Variants in NME9 observed in about 807,000 individuals in gnomAD.
NME9 encodes thioredoxin domain-containing protein 6.
NME9 carries 48 observed loss-of-function variants against 44.4 expected under a neutral mutation model. That is an observed-to-expected ratio of 1.08 (90% CI 0.86 to 1.37). The LOEUF (loss-of-function observed/expected upper bound fraction) is 1.37, where lower values mean the gene tolerates loss of function less well. Among genes scored for constraint, NME9 ranks in the 40% most tolerant of loss-of-function variants. The pLI is 0.00. For synonymous variants in NME9, 139 were observed against 147.1 expected (o/e 0.94, Z 0.40); for missense variants, 325 against 405.2 (o/e 0.80, Z 1.70).
chr3:138,329,692 T>A lies in NME9; in HGVS notation c.-357A>T. On this transcript the variant is annotated 5_prime_UTR_variant, in exon 1 of 11. Coordinates refer to ENST00000333911, the MANE Select transcript of NME9 (RefSeq NM_001349018.2). ...AGCCTGTCGGGCACAGGGTCGCCAGTCGAGGAATTCTGACAAAAAAACGAC... is the reference window on the plus strand; with the variant it reads ...AGCCTGTCGGGCACAGGGTCGCCAGACGAGGAATTCTGACAAAAAAACGAC... 8.7e-7 allele frequency: 1 copy of A among 1,146,972 alleles called. No individual in the cohort carries two copies. Among genetic ancestry groups the A allele is most frequent in the Non-Finnish European group, 1.1e-6 (1 of 931,934 alleles). The allele number at this position is 1,146,972 out of a possible 1,614,324, so 71.0% of individuals were successfully genotyped here.
chr3:138,265,403 G>A (rs2048183535), intron 8 of NME9, among the ~76,000 whole-genome samples: 1 of 152,082 alleles, frequency 6.6e-6, no homozygotes, highest in Admixed American at 6.5e-5. Context: ...CATATACCTT[G>A]CATTTAGTCA....
chr3:138,295,490 A>G (rs572892629), intron 8 of NME9, among the ~76,000 whole-genome samples: 1 of 152,210 alleles, frequency 6.6e-6, no homozygotes, highest in East Asian at 1.9e-4. Context: ...CTCACTGCAT[A>G]AAACCTACAT....
chr3:138,263,665 A>T, intron 8 of NME9: 1 of 1,242,012 alleles, frequency 8.1e-7, no homozygotes, highest in South Asian at 1.2e-5. Flanking sequence ...GGATGTTAAC[A>T]TACTTGCATT....
intron 8 of NME9, among the ~76,000 whole-genome samples, chr3:138,268,342 GATGGA>G (rs1334037067): frequency 6.6e-6 from 1 of 152,198 alleles, no homozygotes. Context: ...TAGTTACCCT[GATGGA>G]AGAGAAAGGC....
At chr3:138,264,059 A>G in intron 8 of NME9, 2 of 1,404,128 alleles carry the variant, frequency 1.4e-6, no homozygotes. Context: ...GTCATTGTAA[A>G]ATGCCAGCCA....
At chr3:138,275,292 T>A (rs1459315556) in intron 8 of NME9, among the ~76,000 whole-genome samples, 1 of 152,242 alleles carries the variant, frequency 6.6e-6, no homozygotes, top group Non-Finnish European at 1.5e-5. Flanking sequence ...GTACAGTGGC[T>A]CATGCCTGTA....
intron 8 of NME9, among the ~76,000 whole-genome samples, chr3:138,294,611 C>T (rs2051293828): frequency 6.6e-6 from 1 of 152,178 alleles, no homozygotes; most frequent in Non-Finnish European, 1.5e-5. Flanking sequence ...CACTTGAATC[C>T]AGCTTATTGT....
chr3:138,323,289 G>T (rs2053580411), intron 2 of NME9, among the ~76,000 whole-genome samples: 1 of 152,206 alleles, frequency 6.6e-6, no homozygotes, highest in Admixed American at 6.5e-5. Context: ...GATAGAATGT[G>T]CCTGTAATCC....
intron 8 of NME9, among the ~76,000 whole-genome samples, chr3:138,271,837 C>G (rs1342205479): frequency 1.4e-5 from 2 of 146,728 alleles, no homozygotes; most frequent in Non-Finnish European, 3.0e-5. Flanking sequence ...GCTTAGTTGC[C>G]CAGGCTGGAG....
chr3:138,317,547 A>G lies in NME9; in HGVS notation c.267+601T>C, dbSNP rs115673129. Among the ~76,000 whole-genome samples the G allele has an allele frequency of 7.6e-3, 1,159 of 152,264 alleles. 6 individuals are homozygous for G. Among genetic ancestry groups the G allele is most frequent in the Middle Eastern group, 0.017 (5 of 294 alleles). ...TCACACCCAAGGACATCCAAATTAT[A>G]TTTTCAAAACACTGGGCCACTTGGT... is the stretch of plus-strand genomic sequence containing the variant. On this transcript the variant is annotated intron_variant, in intron 4 of 10. Coordinates refer to ENST00000333911, the MANE Select transcript of NME9 (RefSeq NM_001349018.2).
In NME9 at chr3:138,303,384, G is replaced by C; in HGVS notation, c.928+123C>G. On this transcript the variant is annotated intron_variant, in intron 10 of 10. Transcript: ENST00000333911. Reference sequence around the variant, plus strand: ...TATAATGACCTGTATTTTCAGAACAGGACTGTATTAGGTTGAAGACTTAGT... The same window carrying C: ...TATAATGACCTGTATTTTCAGAACACGACTGTATTAGGTTGAAGACTTAGT... The C allele has an allele frequency of 7.4e-6, 5 of 678,830 alleles. No individual in the cohort carries two copies. In the South Asian group the frequency reaches 9.3e-5, roughly 13 times the overall value. The allele number at this position is 678,830 out of a possible 1,614,324, so 42.1% of individuals were successfully genotyped here.
At chr3:138,287,313 T>C (rs572952066) in intron 8 of NME9, among the ~76,000 whole-genome samples, 40 of 152,260 alleles carry the variant, frequency 2.6e-4, no homozygotes, top group African/African-American at 9.1e-4. Context: ...TCAGGAACTT[T>C]TTCTCCTGCT....
intron 8 of NME9, chr3:138,272,863 C>T: frequency 9.3e-7 from 1 of 1,073,028 alleles, no homozygotes; most frequent in Non-Finnish European, 1.3e-6. Flanking sequence ...CAGAGCAAGA[C>T]TCTGTCTCAA....
rs1390915029 is a variant in NME9, at chr3:138,290,527, C to T, written c.745+12980G>A. 8 of 1,569,644 alleles carry T rather than the reference C, an allele frequency of 5.1e-6. No homozygotes were observed. The South Asian group carries it at 8.2e-5, about 16-fold the overall frequency. On this transcript the variant is annotated intron_variant, in intron 8 of 8. Transcript: ENST00000317876. ...TTTGCCTGGGTCATGTTCCCAGTAA[C>T]CTGGCTTTAATCGTTTAGGTTCACA...
chr3:138,313,516 C>G (rs2052848891), intron 6 of NME9, among the ~76,000 whole-genome samples: 2 of 152,014 alleles, frequency 1.3e-5, no homozygotes, highest in African/African-American at 4.8e-5. Context: ...GTATGGAGGT[C>G]CCTGAAAAAA....
At chr3:138,304,305 G>T (rs2052070042) in intron 9 of NME9, among the ~76,000 whole-genome samples, 3 of 152,258 alleles carry the variant, frequency 2.0e-5, no homozygotes, top group Admixed American at 2.0e-4. Context: ...TTTCTTTCCT[G>T]TTGTCTGGGC....
intron 8 of NME9, among the ~76,000 whole-genome samples, chr3:138,273,608 G>A (rs925970878): frequency 1.3e-5 from 2 of 152,156 alleles, no homozygotes; most frequent in Non-Finnish European, 2.9e-5. Flanking sequence ...GCTGAGCCTT[G>A]CTGGTGGGAT....
chr3:138,296,443 TGTTCCATAAAG>T (rs1454867825), downstream of NME9: 3 of 152,164 alleles, frequency 2.0e-5, no homozygotes, highest in African/African-American at 7.2e-5. Context: ...AATTGTTAAG[TGTTCCATAAAG>T]GTTATGTTGA....
rs1392654633 is a variant in NME9, at chr3:138,303,489, T to G, written c.928+18A>C. The G allele has an allele frequency of 6.2e-7, 1 of 1,602,212 alleles. No homozygotes were observed. The stretch of plus-strand genomic sequence containing the variant: ...TATCTATGATTTAATAAAGACCAAG[T>G]CTGCCTTGATGACTTACCCTGAGGG... On this transcript the variant is annotated intron_variant, in intron 10 of 10. Coordinates refer to ENST00000333911, the MANE Select transcript of NME9 (RefSeq NM_001349018.2).
Sources: allele counts gnomAD v4.1 joint callset (sites outside exome capture counted in the v4.1 genomes callset), GRCh38; gene constraint gnomAD v4.1.1; transcripts MANE v1.5; gene names NCBI Gene and HGNC (gene_info 2026-07-23, HGNC 2026-07-21).